The following ACAN variants were observed in gnomAD, a reference collection of about 807,000 sequenced individuals.
The protein encoded by ACAN is aggrecan core protein.
In ACAN, 47 loss-of-function variants were observed where a neutral mutation model predicts 169.1. The observed-to-expected ratio is 0.28, with a 90% CI of 0.22 to 0.35. ACAN has a LOEUF of 0.35. ACAN is among the 10% of genes least tolerant of loss of function. The pLI, the probability that ACAN is intolerant of heterozygous loss-of-function variation, is 1.00. For missense variants in ACAN, 2,716 were observed against 2,759.9 expected, an observed-to-expected ratio of 0.98 and a Z score of 0.36; for synonymous variants, 1,115 against 1,112.2, an observed-to-expected ratio of 1.00 and a Z score of -0.05.
In ACAN at chr15:88,868,162, G is replaced by C; in HGVS notation, c.6947-54G>C. ...CACTCAAAAGGAGGCCACAGTGCTTGTGAGGCTGGAGTTGCCGGCAGGAGT... is the reference window on the plus strand; with the variant it reads ...CACTCAAAAGGAGGCCACAGTGCTTCTGAGGCTGGAGTTGCCGGCAGGAGT... On this transcript the variant is annotated intron_variant, in intron 13 of 18. Transcript: ENST00000560601. This position sits in a 1 kb window ranked among gnomAD's most constrained non-coding sequence, Gnocchi z 5.2. 1 of 687,764 alleles carries C rather than the reference G, an allele frequency of 1.5e-6. No homozygotes were observed. The highest frequency in any genetic ancestry group is 2.7e-6 in the Non-Finnish European group (1 of 377,016). 42.6% of individuals were successfully genotyped at this position (687,764 alleles called of 1,614,324 possible).
In ACAN at chr15:88,847,318, G is replaced by T. The variant is rs144835580; in HGVS notation, c.1505G>T (p.Arg502Leu). 2 of 1,577,052 alleles carry T rather than the reference G, an allele frequency of 1.3e-6. No homozygotes were observed. Among genetic ancestry groups the T allele is most frequent in the Non-Finnish European group, 1.7e-6 (2 of 1,162,774 alleles). Residue 502 changes from arginine to leucine, a missense_variant, in exon 8 of 19, where the codon CGC becomes CTC. Arg to Leu is a moderately radical substitution (Grantham distance 102, BLOSUM62 -2). Transcript: ENST00000560601. ...TFEEAQQACL[R>L]TGAVIASPEQ... The stretch of plus-strand genomic sequence containing the variant: ...GAGGAGGCACAGCAGGCCTGCCTGC[G>T]CACGGGGGCGGTCATTGCCTCGCCG...
Position 88,873,104 on chromosome 15 carries a change from CT to C in ACAN, c.7447+80del. ...ACAGGTGAGGCTCTTGCTGTGTGGC[CT>C]GGGGTGAGTCCCTTGTCTTCTGGCT... On this transcript the variant is annotated intron_variant, in intron 17 of 18. Coordinates refer to ENST00000560601, the MANE Select transcript of ACAN (RefSeq NM_001369268.1). This position sits in a 1 kb window ranked among gnomAD's most constrained non-coding sequence, Gnocchi z 7.5. 1 of 1,517,178 alleles carries C rather than the reference CT, an allele frequency of 6.6e-7. No homozygotes were observed. The highest frequency in any genetic ancestry group is 8.9e-7 in the Non-Finnish European group (1 of 1,123,552). The allele number at this position is 1,517,178 out of a possible 1,614,324, so 94.0% of individuals were successfully genotyped here.
chr15:88,804,565 C>T (rs1293940918), intron 1 of ACAN, among the ~76,000 whole-genome samples: 2 of 152,192 alleles, frequency 1.3e-5, no homozygotes, highest in African/African-American at 4.8e-5. Context: ...GTTTTTCCGT[C>T]TGTGGGTTCC....
chr15:88,842,514 C>G (rs80350393), intron 5 of ACAN, among the ~76,000 whole-genome samples: 1 of 145,466 alleles, frequency 6.9e-6, no homozygotes, highest in African/African-American at 2.7e-5. Context: ...CTGCCCATCC[C>G]CCCTCCCCCC....
rs1895709971 is a variant in ACAN, at chr15:88,807,437, T to A, written c.-8+3628T>A. On this transcript the variant is annotated intron_variant, in intron 1 of 18. Coordinates refer to ENST00000560601, the MANE Select transcript of ACAN (RefSeq NM_001369268.1). The surrounding 1 kb of genome is among the most constrained non-coding windows in gnomAD (Gnocchi z 4.0). ...CTTAAAGGAAGCCCCTTCAATGGGA[T>A]GAAGGGCCCGTTTCTGTGACAGCTA... Among the ~76,000 whole-genome samples the A allele has an allele frequency of 6.6e-6, 1 of 152,102 alleles. No homozygotes were observed. The highest frequency in any genetic ancestry group is 6.5e-5 in the Admixed American group (1 of 15,268).
At chr15:88,846,028 T>A (rs1896785900) in intron 7 of ACAN, 146 bp downstream of exon 7, 1 of 940,942 alleles carries the variant, frequency 1.1e-6, no homozygotes, top group East Asian at 2.8e-5. Context: ...ATTCTCCTCA[T>A]CTGTGGAACA....
intron 1 of ACAN, among the ~76,000 whole-genome samples, chr15:88,819,807 A>C (rs549951381): frequency 1.2e-4 from 18 of 152,148 alleles, no homozygotes; most frequent in Non-Finnish European, 2.4e-4. Flanking sequence ...ATCTGGGGGC[A>C]CAGTTATCAA....
chr15:88,814,029 A>C lies in ACAN; in HGVS notation c.-8+10220A>C, dbSNP rs1023172894. 6.6e-6 allele frequency among the ~76,000 whole-genome samples: 1 copy of C among 152,090 alleles called. No homozygotes were observed. The highest frequency in any genetic ancestry group is 2.4e-5 in the African/African-American group (1 of 41,394). On this transcript the variant is annotated intron_variant, in intron 1 of 18. Transcript: ENST00000560601. This position sits in a 1 kb window ranked among gnomAD's most constrained non-coding sequence, Gnocchi z 4.0. ...CCTCCTGATGACATCTAGTGCTTAG[A>C]CTCACAAAAGAATCCATTCAGCCAT...
intron 5 of ACAN, among the ~76,000 whole-genome samples, chr15:88,842,734 G>A (rs1271396696): frequency 6.6e-6 from 1 of 152,206 alleles, no homozygotes; most frequent in Non-Finnish European, 1.5e-5. Flanking sequence ...CTGCCAGTTA[G>A]AGCTGCCACT....
Position 88,873,625 on chromosome 15 carries a change from G to T in ACAN, c.7448-217G>T. 1 of 581,368 alleles carries T rather than the reference G, an allele frequency of 1.7e-6. No individual in the cohort carries two copies. The highest frequency in any genetic ancestry group is 3.0e-6 in the Non-Finnish European group (1 of 327,930). The allele number at this position is 581,368 out of a possible 1,614,324, so 36.0% of individuals were successfully genotyped here. A position where few individuals can be genotyped will look rare whatever the true frequency, so the allele number is the denominator to read the frequency against. ...TTCATCTTCTCTTCATCCCTTTAAA[G>T]ACCACCCCGTTTGTATTCCCTTCCT... On this transcript the variant is annotated intron_variant, in intron 17 of 18. Transcript: ENST00000560601. This position sits in a 1 kb window ranked among gnomAD's most constrained non-coding sequence, Gnocchi z 7.5.
chr15:88,851,951 C>T lies in ACAN; in HGVS notation c.2184C>T (p.Ala728=). 6.2e-7 allele frequency: 1 copy of T among 1,612,656 alleles called. No homozygotes were observed. The highest frequency in any genetic ancestry group is 1.1e-5 in the South Asian group (1 of 90,642). Residue 728 remains alanine, a synonymous_variant, in exon 11 of 19, where the codon GCC becomes GCT. Coordinates refer to ENST00000560601, the MANE Select transcript of ACAN (RefSeq NM_001369268.1). The surrounding 1 kb of genome is among the most constrained non-coding windows in gnomAD (Gnocchi z 4.3). ...CTGTACCCTCAGGGGAGACTACTGCCATCCTAGAGTTCACCACCGAGCCAG... is the reference window on the plus strand; with the variant it reads ...CTGTACCCTCAGGGGAGACTACTGCTATCCTAGAGTTCACCACCGAGCCAG... ...TTAVPSGETT[A]ILEFTTEPEN...
Position 88,872,029 on chromosome 15 carries a change from G to A in ACAN, c.7246G>A (p.Gly2416Ser), listed in dbSNP as rs752648715. The stretch of plus-strand genomic sequence containing the variant: ...CAATGCCCAAGACTACCAGTGGATC[G>A]GCCTGAACGACAGGACCATCGAAGG... ...NNNAQDYQWI[G>S]LNDRTIEGDF... The change falls in exon 16 of 19, where the codon GGC becomes AGC. Residue 2416 changes from glycine (G) to serine (S), a missense_variant. Physicochemically the swap from Gly to Ser is moderately conservative, Grantham distance 56. Coordinates refer to ENST00000560601, the MANE Select transcript of ACAN (RefSeq NM_001369268.1). This position sits in a 1 kb window ranked among gnomAD's most constrained non-coding sequence, Gnocchi z 5.4. The A allele has an allele frequency of 8.7e-6, 14 of 1,613,922 alleles. No homozygotes were observed. The highest frequency in any genetic ancestry group is 3.3e-5 in the South Asian group (3 of 91,074).
chr15:88,822,388 G>A (rs577624764), intron 1 of ACAN, among the ~76,000 whole-genome samples: 10 of 152,192 alleles, frequency 6.6e-5, no homozygotes, highest in South Asian at 2.1e-4. Flanking sequence ...TCCCAGGAGC[G>A]TGAACACTAT....
intron 7 of ACAN, 41 bp from the exon 8 acceptor site, chr15:88,847,202 C>T (rs114350931): frequency 2.7e-6 from 4 of 1,506,092 alleles, no homozygotes; most frequent in South Asian, 2.5e-5. Flanking sequence ...AGCTGCACAC[C>T]GTGGGTCCCT....
chr15:88,866,567 T>C lies in ACAN; in HGVS notation c.6947-1649T>C, dbSNP rs1310813316. Among the ~76,000 whole-genome samples, 1 of 151,560 alleles carries C rather than the reference T, an allele frequency of 6.6e-6. No homozygotes were observed. The highest frequency in any genetic ancestry group is 1.5e-5 in the Non-Finnish European group (1 of 67,846). ...ACTTGGAACTGTTGGTTCTAGTCTATGGTGTGCCCCCCCGAGATGAAGTTA... is the reference window on the plus strand; with the variant it reads ...ACTTGGAACTGTTGGTTCTAGTCTACGGTGTGCCCCCCCGAGATGAAGTTA... On this transcript the variant is annotated intron_variant, in intron 13 of 18. Coordinates refer to ENST00000560601, the MANE Select transcript of ACAN (RefSeq NM_001369268.1). The surrounding 1 kb of genome is among the most constrained non-coding windows in gnomAD (Gnocchi z 5.6).
chr15:88,864,791 G>T (rs896885918), intron 13 of ACAN, among the ~76,000 whole-genome samples: 1 of 152,188 alleles, frequency 6.6e-6, no homozygotes, highest in African/African-American at 2.4e-5. Flanking sequence ...GCCCAGGAAA[G>T]TTATGTCCAG....
At position 88,843,741 on chromosome 15, in the gene ACAN, T is replaced by G; in HGVS notation, c.1051+93T>G. The G allele has an allele frequency of 4.7e-6, 7 of 1,482,264 alleles. No individual in the cohort carries two copies. The highest frequency in any genetic ancestry group is 6.3e-6 in the Non-Finnish European group (7 of 1,114,464). 91.8% of individuals were successfully genotyped at this position (1,482,264 alleles called of 1,614,324 possible). ...ATCTTGGAAAGGGAGGGTTGGTTTTTGCCCTTGAAGGGGCCACGGGGTACC... is the reference window on the plus strand; with the variant it reads ...ATCTTGGAAAGGGAGGGTTGGTTTTGGCCCTTGAAGGGGCCACGGGGTACC... On this transcript the variant is annotated intron_variant, in intron 6 of 18. Transcript: ENST00000560601. The surrounding 1 kb of genome is among the most constrained non-coding windows in gnomAD (Gnocchi z 4.0).
chr15:88,863,076 T>G (rs749539217), intron 13 of ACAN, among the ~76,000 whole-genome samples: 4 of 151,676 alleles, frequency 2.6e-5, no homozygotes, highest in Non-Finnish European at 5.9e-5. Flanking sequence ...TGCAGCATGA[T>G]TCCTGCAGTA....
Position 88,858,583 on chromosome 15 carries a change from G to A in ACAN, c.5998G>A (p.Gly2000Ser), listed in dbSNP as rs34546634. Residue 2000 changes from glycine (G) to serine (S), a missense_variant, in exon 12 of 19, where the codon GGT (glycine) becomes AGT (serine). Coordinates refer to ENST00000560601, the MANE Select transcript of ACAN (RefSeq NM_001369268.1). This position sits in a 1 kb window ranked among gnomAD's most constrained non-coding sequence, Gnocchi z 4.0. Reference sequence around the variant, plus strand: ...GATAGAGCCCAGCGGAGAGCCACCAGGTACTCCATATTTTAGTGGGGATTT... The same window carrying A: ...GATAGAGCCCAGCGGAGAGCCACCAAGTACTCCATATTTTAGTGGGGATTT... ...GLIEPSGEPP[G>S]TPYFSGDFAS... is the part of the protein sequence containing the mutation. The A allele has an allele frequency of 5.3e-3, 8,619 of 1,613,854 alleles. 388 individuals are homozygous for A. In the African/African-American group the frequency reaches 0.1, roughly 19 times the overall value.
Sources: allele counts gnomAD v4.1 joint callset (sites outside exome capture counted in the v4.1 genomes callset), GRCh38; gene constraint gnomAD v4.1.1; non-coding constraint Gnocchi (gnomAD v3.1); transcripts MANE v1.5; gene names NCBI Gene and HGNC (gene_info 2026-07-23, HGNC 2026-07-21).